Variants in BTD observed in about 807,000 individuals in gnomAD.
BTD encodes biocytinase.
A neutral mutation model predicts 17.7 loss-of-function variants in BTD; 13 were observed. The observed-to-expected ratio is 0.74, with a 90% CI of 0.48 to 1.17. BTD has a LOEUF of 1.17. BTD is among the 50% of genes most tolerant of loss of function. The pLI is 0.00. For missense variants in BTD, 674 were observed against 650.4 expected, an observed-to-expected ratio of 1.04 and a Z score of -0.39; for synonymous variants, 240 against 245.2, an observed-to-expected ratio of 0.98 and a Z score of 0.20.
At chr3:15,654,674 C>T (rs374862361), downstream of BTD, among the ~76,000 whole-genome samples, 32 of 151,960 alleles carry the variant, frequency 2.1e-4, no homozygotes, top group Non-Finnish European at 2.5e-4. Context: ...CGGGTTCAAG[C>T]GATTCTCCTT....
chr3:15,689,953 T>C (rs920610639), intron 3 of BTD: 1 of 1,351,592 alleles, frequency 7.4e-7, no homozygotes. Context: ...AAATATTATA[T>C]ATCAGAAATT....
intron 3 of BTD, among the ~76,000 whole-genome samples, chr3:15,704,485 T>C (rs547672511): frequency 1.2e-4 from 19 of 152,286 alleles, no homozygotes; most frequent in African/African-American, 4.6e-4. Context: ...GAAACTGTGA[T>C]GCTGACAGGG....
At chr3:15,641,498 A>T (rs1000400401) in intron 2 of BTD, among the ~76,000 whole-genome samples, 3 of 152,222 alleles carry the variant, frequency 2.0e-5, no homozygotes, top group Non-Finnish European at 4.4e-5. Context: ...CACCAGACTG[A>T]AGATACCACG....
At position 15,601,803 on chromosome 3, in the gene BTD, T is replaced by G; in HGVS notation, c.-108T>G. ...GCCGAACTCTGAGGCCTCTCGCCAT[T>G]GTCTCCGAGTCGGCCAGCTGGAGCG... On this transcript the variant is annotated 5_prime_UTR_variant, in exon 1 of 4. In the 5' UTR this introduces an upstream ATG that the reference lacks. Transcript: ENST00000643237. 1.2e-6 allele frequency: 2 copies of G among 1,614,096 alleles called. No individual in the cohort carries two copies. Among genetic ancestry groups the G allele is most frequent in the Non-Finnish European group, 1.7e-6 (2 of 1,180,010 alleles).
intron 1 of BTD, among the ~76,000 whole-genome samples, chr3:15,634,046 A>G (rs1290583907): frequency 1.3e-5 from 2 of 152,210 alleles, no homozygotes; most frequent in Non-Finnish European, 2.9e-5. Context: ...AAGAAATAAC[A>G]GTTTGAGATG....
downstream of BTD, among the ~76,000 whole-genome samples, chr3:15,656,604 C>A (rs376030080): frequency 6.6e-6 from 1 of 152,134 alleles, no homozygotes; most frequent in African/African-American, 2.4e-5. Flanking sequence ...TTTTACTTTG[C>A]GGCACTGAGC....
At chr3:15,609,750 C>T (rs951091876) in intron 1 of BTD, among the ~76,000 whole-genome samples, 2 of 151,900 alleles carry the variant, frequency 1.3e-5, no homozygotes, top group African/African-American at 4.8e-5. Flanking sequence ...ATTGGATTAT[C>T]TTTTGCTTTT....
In BTD at chr3:15,721,974, A is replaced by G. The variant is rs1039585204; in HGVS notation, c.*125A>G. Among the ~76,000 whole-genome samples, 13 of 152,202 alleles carry G rather than the reference A, an allele frequency of 8.5e-5. 1 individual carries two copies. The East Asian group carries it at 2.5e-3, about 29-fold the overall frequency. On this transcript the variant is annotated 3_prime_UTR_variant, in exon 5 of 5. Transcript: ENST00000672427. ...TGGCCAGGCTGGTCCTGAACTCTTGACCTCAAATGATCCACCGGCCTCGGC... is the reference window on the plus strand; with the variant it reads ...TGGCCAGGCTGGTCCTGAACTCTTGGCCTCAAATGATCCACCGGCCTCGGC...
chr3:15,652,650 G>A lies in BTD; in HGVS notation c.*7162G>A, dbSNP rs1312638500. ...AAATGTGTGTTGTTTTAAAATCCTA[G>A]GTTTTGAGGTAATTTATTATACAGC... On this transcript the variant is annotated 3_prime_UTR_variant, in exon 4 of 4. Transcript: ENST00000643237. 1.3e-5 allele frequency among the ~76,000 whole-genome samples: 2 copies of A among 152,148 alleles called. No homozygotes were observed. The highest frequency in any genetic ancestry group is 2.9e-5 in the Non-Finnish European group (2 of 68,038).
intron 1 of BTD, among the ~76,000 whole-genome samples, chr3:15,614,534 T>G (rs189872407): frequency 2.6e-5 from 4 of 152,298 alleles, no homozygotes; most frequent in African/African-American, 7.2e-5. Flanking sequence ...AACAAATTTT[T>G]TAATGATTCT....
intron 3 of BTD, among the ~76,000 whole-genome samples, chr3:15,702,396 A>G (rs2070747376): frequency 6.6e-6 from 1 of 152,196 alleles, no homozygotes; most frequent in Non-Finnish European, 1.5e-5. Context: ...TTTGCACATT[A>G]ACACATGTTC....
chr3:15,707,876 C>A, intron 3 of BTD: 4 of 1,570,096 alleles, frequency 2.5e-6, no homozygotes, highest in East Asian at 2.3e-5. Context: ...TGGAAGATGC[C>A]AGTTTATAGA....
At chr3:15,639,680 A>G (rs2065447604) in intron 2 of BTD, among the ~76,000 whole-genome samples, 1 of 152,198 alleles carries the variant, frequency 6.6e-6, no homozygotes, top group Non-Finnish European at 1.5e-5. Flanking sequence ...ATCTTGCCTT[A>G]TTTTTAGGTT....
chr3:15,608,445 A>G (rs767296502), intron 1 of BTD, among the ~76,000 whole-genome samples: 1 of 152,306 alleles, frequency 6.6e-6, no homozygotes, highest in Non-Finnish European at 1.5e-5. Context: ...TGCTATGAGG[A>G]TGTAAGAGAT....
At position 15,700,005 on chromosome 3, in the gene BTD, A is replaced by C. The variant is rs180809595; in HGVS notation, c.400-10055A>C. The stretch of plus-strand genomic sequence containing the variant: ...CAACCCAAATGTCCATCAATGATAG[A>C]CTGGATTAAGAAAATGTGGCACATA... On this transcript the variant is annotated intron_variant, in intron 3 of 3. Transcript: ENST00000672141. Among the ~76,000 whole-genome samples the C allele has an allele frequency of 7.2e-5, 11 of 152,362 alleles. No individual in the cohort carries two copies. The East Asian group carries it at 2.1e-3, about 29-fold the overall frequency.
chr3:15,655,522 A>C (rs1007932433), downstream of BTD, among the ~76,000 whole-genome samples: 7 of 152,196 alleles, frequency 4.6e-5, no homozygotes, highest in Non-Finnish European at 8.8e-5. Flanking sequence ...TTACATAAAA[A>C]ATAAGAAGTG....
At position 15,651,394 on chromosome 3, in the gene BTD, A is replaced by G. The variant is rs142215872; in HGVS notation, c.*5906A>G. Among the ~76,000 whole-genome samples, 108 of 152,348 alleles carry G rather than the reference A, an allele frequency of 7.1e-4. 1 individual carries two copies. The East Asian group carries it at 0.015, about 21-fold the overall frequency. On this transcript the variant is annotated 3_prime_UTR_variant, in exon 4 of 4. Coordinates refer to ENST00000643237, the MANE Select transcript of BTD (RefSeq NM_001370658.1). ...CAGAGTGATTTACACAGCTGTGGGCAGGATGTAGGGGAACCCAGAAAGGAT... is the reference window on the plus strand; with the variant it reads ...CAGAGTGATTTACACAGCTGTGGGCGGGATGTAGGGGAACCCAGAAAGGAT...
rs530872564 is a variant in BTD at position 15,645,647 on chromosome 3, G to A, written c.*159G>A. The A allele has an allele frequency of 1.2e-4, 92 of 740,544 alleles. 2 individuals are homozygous for A. In the South Asian group the frequency reaches 1.5e-3, roughly 12 times the overall value. The allele number at this position is 740,544 out of a possible 1,614,324, so 45.9% of individuals were successfully genotyped here. On this transcript the variant is annotated 3_prime_UTR_variant, in exon 4 of 4. Coordinates refer to ENST00000643237, the MANE Select transcript of BTD (RefSeq NM_001370658.1). Reference sequence around the variant, plus strand: ...TGGGAACTGTGGAAAAAGTAGGAGAGGCAGATTCCCTCAGTGTCTTCCTCT... The same window carrying A: ...TGGGAACTGTGGAAAAAGTAGGAGAAGCAGATTCCCTCAGTGTCTTCCTCT...
chr3:15,721,754 C>CT (rs929827860), intron 4 of BTD, among the ~76,000 whole-genome samples: 8 of 151,824 alleles, frequency 5.3e-5, no homozygotes, highest in African/African-American at 2.4e-5. Context: ...TTTTGCTTTT[C>CT]TTTTTTTTGA....
Sources: allele counts gnomAD v4.1 joint callset (sites outside exome capture counted in the v4.1 genomes callset), GRCh38; gene constraint gnomAD v4.1.1; transcripts MANE v1.5; gene names NCBI Gene and HGNC (gene_info 2026-07-23, HGNC 2026-07-21).